TLN2: variants seen among roughly 807,000 people sequenced by gnomAD.
TLN2 encodes the protein talin-2.
In TLN2, 118 loss-of-function variants were observed where a neutral mutation model predicts 294.7. That is an observed-to-expected ratio of 0.40 (90% CI 0.34 to 0.47). The LOEUF (loss-of-function observed/expected upper bound fraction) is 0.47, where lower values mean the gene tolerates loss of function less well. TLN2 is among the 20% of genes least tolerant of loss of function. TLN2 has a pLI of 0.84. For missense variants in TLN2, 3,083 were observed against 3,282.2 expected (o/e 0.94, Z 1.48); for synonymous variants, 1,431 against 1,304.5 (o/e 1.10, Z -2.09).
Position 62,657,828 on chromosome 15 carries a change from T to A in TLN2, c.718T>A (p.Phe240Ile), listed in dbSNP as rs753753113. 6.2e-7 allele frequency: 1 copy of A among 1,613,670 alleles called. No homozygotes were observed. Among genetic ancestry groups the A allele is most frequent in the South Asian group, 1.1e-5 (1 of 90,980 alleles). ...TGTCTCCTTCGAGAAAGCTTGTGAG[T>A]TTGGTGGATTTCAAGCCCAGATACA... Reference protein sequence around the residue: ...HPVSFEKACEFGGFQAQIQFG... With the variant: ...HPVSFEKACEIGGFQAQIQFG... Residue 240 changes from phenylalanine (F) to isoleucine (I), a missense_variant, in exon 9 of 59, where the codon TTT becomes ATT. Coordinates refer to ENST00000636159, the MANE Select transcript of TLN2 (RefSeq NM_015059.3).
intron 3 of TLN2, among the ~76,000 whole-genome samples, chr15:62,629,403 A>T (rs544246646): frequency 6.6e-6 from 1 of 152,224 alleles, no homozygotes; most frequent in Non-Finnish European, 1.5e-5. Context: ...TCCCCAGGTT[A>T]TACCGATTCC....
intron 54 of TLN2, among the ~76,000 whole-genome samples, chr15:62,825,024 C>T (rs1391551583): frequency 6.6e-6 from 1 of 152,146 alleles, no homozygotes; most frequent in African/African-American, 2.4e-5. Flanking sequence ...GTGACAGGGT[C>T]ACCAACAGCA....
At chr15:62,757,038 A>G (rs1295924843) in intron 37 of TLN2, among the ~76,000 whole-genome samples, 1 of 152,234 alleles carries the variant, frequency 6.6e-6, no homozygotes, top group Non-Finnish European at 1.5e-5. Context: ...GTTCACAGTA[A>G]TTAGGAAGTA....
At chr15:62,823,738 T>TG (rs2067783743) in intron 54 of TLN2, among the ~76,000 whole-genome samples, 1 of 152,196 alleles carries the variant, frequency 6.6e-6, no homozygotes, top group African/African-American at 2.4e-5. Context: ...CTCCCAGACA[T>TG]GCACCGTTGA....
At chr15:62,712,873 G>C (rs1018353441) in intron 22 of TLN2, among the ~76,000 whole-genome samples, 15 of 152,148 alleles carry the variant, frequency 9.9e-5, no homozygotes, top group Admixed American at 7.2e-4. Flanking sequence ...ATTTCTTATA[G>C]AATTAATAGA....
At chr15:62,533,113 G>A (rs143897738) in intron 1 of TLN2, among the ~76,000 whole-genome samples, 2 of 151,894 alleles carry the variant, frequency 1.3e-5, no homozygotes, top group Non-Finnish European at 2.9e-5. Flanking sequence ...AAATAGCCAG[G>A]TGTGGTGGTG....
intron 1 of TLN2, among the ~76,000 whole-genome samples, chr15:62,395,554 A>C (rs1169535133): frequency 6.6e-6 from 1 of 152,172 alleles, no homozygotes; most frequent in African/African-American, 2.4e-5. Flanking sequence ...TTTGGAGCAC[A>C]CGTGCCATGT....
intron 58 of TLN2, 120 bp downstream of exon 58, chr15:62,839,101 TGTG>T: frequency 2.2e-6 from 3 of 1,359,058 alleles, no homozygotes. Context: ...CCAGAGATGG[TGTG>T]GTGTTTCCTT....
chr15:62,465,686 A>C (rs1298031961), intron 1 of TLN2, among the ~76,000 whole-genome samples: 4 of 152,246 alleles, frequency 2.6e-5, no homozygotes, highest in Admixed American at 2.6e-4. Flanking sequence ...CTGTCCCCTA[A>C]GATGGGGTAG....
At chr15:62,569,829 G>T (rs1165707483) in intron 1 of TLN2, among the ~76,000 whole-genome samples, 1 of 152,218 alleles carries the variant, frequency 6.6e-6, no homozygotes, top group Non-Finnish European at 1.5e-5. Context: ...TAATTCAAAT[G>T]AGAAGCTATG....
At position 62,584,604 on chromosome 15, in the gene TLN2, A is replaced by G. The variant is rs373546891; in HGVS notation, c.-237-5083A>G. Among the ~76,000 whole-genome samples the G allele has an allele frequency of 2.6e-5, 4 of 152,210 alleles. No homozygotes were observed. The East Asian group carries it at 5.8e-4, about 22-fold the overall frequency. ...TGGGCATCTCCCCTTGGAGTCTCATATCTTCTGACCTAGCAGAGCTGGACT... is the reference window on the plus strand; with the variant it reads ...TGGGCATCTCCCCTTGGAGTCTCATGTCTTCTGACCTAGCAGAGCTGGACT... On this transcript the variant is annotated intron_variant, in intron 1 of 58. Transcript: ENST00000636159.
At chr15:62,555,503 C>T (rs1169223680) in intron 1 of TLN2, among the ~76,000 whole-genome samples, 1 of 152,162 alleles carries the variant, frequency 6.6e-6, no homozygotes, top group Non-Finnish European at 1.5e-5. Context: ...TGTCTTTGAA[C>T]TTTGTTTATG....
chr15:62,600,054 G>A (rs965763407), intron 2 of TLN2, among the ~76,000 whole-genome samples: 1 of 152,162 alleles, frequency 6.6e-6, no homozygotes, highest in Non-Finnish European at 1.5e-5. Context: ...TTGCTAGAGC[G>A]GGTAGAGCAG....
intron 48 of TLN2, 119 bp downstream of exon 48, chr15:62,797,521 T>G: frequency 8.1e-7 from 1 of 1,233,954 alleles, no homozygotes; most frequent in African/African-American, 1.5e-5. Context: ...TGTGTGTGAG[T>G]GTGTCTGGTT....
intron 25 of TLN2, 151 bp from the exon 26 acceptor site, chr15:62,722,202 G>C: frequency 1.2e-6 from 1 of 842,338 alleles, no homozygotes; most frequent in South Asian, 2.9e-5. Context: ...GCTTGAGGTG[G>C]CAGTTTGGGA....
chr15:62,582,184 A>T (rs900240339), intron 1 of TLN2, among the ~76,000 whole-genome samples: 2 of 146,078 alleles, frequency 1.4e-5, no homozygotes, highest in Non-Finnish European at 3.0e-5. Flanking sequence ...ACTTCAGTGC[A>T]TGTGTATGCA....
chr15:62,481,461 C>G (rs900984069), intron 1 of TLN2, among the ~76,000 whole-genome samples: 2 of 152,204 alleles, frequency 1.3e-5, no homozygotes, highest in African/African-American at 2.4e-5. Flanking sequence ...CTCTTAGGCA[C>G]AAACGATTGT....
At chr15:62,469,856 T>G (rs1240870001) in intron 1 of TLN2, among the ~76,000 whole-genome samples, 1 of 152,148 alleles carries the variant, frequency 6.6e-6, no homozygotes, top group Non-Finnish European at 1.5e-5. Context: ...GTCACCTTCT[T>G]CAAAAGTAAA....
At chr15:62,826,250 G>A (rs760022096) in intron 54 of TLN2, among the ~76,000 whole-genome samples, 15 of 152,082 alleles carry the variant, frequency 9.9e-5, no homozygotes, top group African/African-American at 2.7e-4. Context: ...TTTCAGTGGC[G>A]TTGCTTTCCA....
Sources: allele counts gnomAD v4.1 joint callset (sites outside exome capture counted in the v4.1 genomes callset), GRCh38; gene constraint gnomAD v4.1.1; transcripts MANE v1.5; gene names NCBI Gene and HGNC (gene_info 2026-07-23, HGNC 2026-07-21).